The following ZNF423 variants were observed in gnomAD, a reference collection of about 807,000 sequenced individuals.
The protein encoded by ZNF423 is zinc finger protein 423.
Under a neutral mutation model 95.8 loss-of-function variants are expected in ZNF423, and 12 were observed. The ratio of observed to expected loss-of-function variants is 0.13; its 90% CI spans 0.08 to 0.20. The LOEUF (loss-of-function observed/expected upper bound fraction) is 0.20, where lower values mean the gene tolerates loss of function less well. Among genes scored for constraint, ZNF423 ranks in the 10% least tolerant of loss-of-function variants. The pLI is 1.00. For synonymous variants in ZNF423, 749 were observed against 711.9 expected, an observed-to-expected ratio of 1.05 and a Z score of -0.83; for missense variants, 1,316 against 1,737.1, an observed-to-expected ratio of 0.76 and a Z score of 4.31.
chr16:49,786,363 T>C (rs1470105984), intron 2 of ZNF423, among the ~76,000 whole-genome samples: 1 of 152,168 alleles, frequency 6.6e-6, no homozygotes, highest in East Asian at 1.9e-4. Flanking sequence ...GCATTCTGCT[T>C]CTTTATTGCA....
At chr16:49,661,447 A>T (rs923333253) in intron 3 of ZNF423, among the ~76,000 whole-genome samples, 3 of 152,240 alleles carry the variant, frequency 2.0e-5, no homozygotes, top group African/African-American at 7.2e-5. Context: ...GGACCTGTGA[A>T]CAAATGCACC....
rs66522223 is a variant in ZNF423 at position 49,702,909 on chromosome 16, GCACACACACACACACACACACA to G, written c.301+27840_301+27861del. Among the ~76,000 whole-genome samples the G allele has an allele frequency of 6.8e-5, 10 of 147,534 alleles. No individual in the cohort carries two copies. The South Asian group carries it at 8.6e-4, about 13-fold the overall frequency. Reference sequence around the variant, plus strand: ...CAAGCCAACCTGCCTGTGTGCACACGCACACACACACACACACACACACACACACACACACACACACTCCATG... The same window carrying G: ...CAAGCCAACCTGCCTGTGTGCACACGCACACACACACACACACACTCCATG... On this transcript the variant is annotated intron_variant, in intron 3 of 7. Coordinates refer to ENST00000563137, the MANE Select transcript of ZNF423 (RefSeq NM_001379286.1).
intron 2 of ZNF423, among the ~76,000 whole-genome samples, chr16:49,779,270 A>G (rs568860111): frequency 7.2e-5 from 11 of 151,896 alleles, no homozygotes; most frequent in Non-Finnish European, 1.5e-4. Context: ...AGCAGAGGGC[A>G]GCGGGAGCAC....
chr16:49,773,165 A>T (rs1208660144), intron 2 of ZNF423, among the ~76,000 whole-genome samples: 1 of 152,148 alleles, frequency 6.6e-6, no homozygotes, highest in African/African-American at 2.4e-5. Flanking sequence ...TTAAAAGTAC[A>T]AAAATTAGCC....
chr16:49,636,871 T>C lies in ZNF423; in HGVS notation c.2305A>G (p.Lys769Glu), dbSNP rs1382154151. ...RCTACNWDFR[K>E]EADLQVHVKH... ...ACGTGCACCTGCAGGTCAGCCTCCT[T>C]GCGGAAGTCCCAGTTGCAGGCCGTG... The change falls in exon 4 of 8, where the codon AAG becomes GAG. Residue 769 changes from lysine to glutamate, a missense_variant. Coordinates refer to ENST00000563137, the MANE Select transcript of ZNF423 (RefSeq NM_001379286.1). The surrounding 1 kb of genome is among the most constrained non-coding windows in gnomAD (Gnocchi z 8.6). 6.2e-7 allele frequency: 1 copy of C among 1,614,030 alleles called. No homozygotes were observed. Among genetic ancestry groups the C allele is most frequent in the Admixed American group, 1.7e-5 (1 of 60,020 alleles).
rs1968565606 is a variant in ZNF423 at position 49,525,450 on chromosome 16, C to T, written c.3646G>A (p.Asp1216Asn). Residue 1216 changes from aspartate to asparagine, a missense_variant, in exon 6 of 8, where the codon GAC becomes AAC. Physicochemically the swap from Asp to Asn is conservative, Grantham distance 23. This residue lies in a region of ZNF423 where 75 missense variants were observed against 163.5 expected (regional missense o/e 0.46). Coordinates refer to ENST00000563137, the MANE Select transcript of ZNF423 (RefSeq NM_001379286.1). ...HECKLCNQMF[D>N]SPAKLLCHLI... The stretch of plus-strand genomic sequence containing the variant: ...TGACAGAGGAGCTTGGCCGGGGAGT[C>T]GAACATCTGGTTGCACAGCTTACAC... The T allele has an allele frequency of 3.1e-6, 5 of 1,613,908 alleles. No individual in the cohort carries two copies. The highest frequency in any genetic ancestry group is 4.2e-6 in the Non-Finnish European group (5 of 1,179,980).
intron 1 of ZNF423, among the ~76,000 whole-genome samples, chr16:49,801,723 T>G (rs1018000399): frequency 1.3e-5 from 2 of 152,208 alleles, no homozygotes; most frequent in African/African-American, 4.8e-5. Context: ...ACAAATGACT[T>G]TGATGCGTGC....
rs961906112 is a variant in ZNF423 at position 49,746,999 on chromosome 16, G to A, written c.101-16028C>T. ...TCCGGAGATATGCTAGAACCACCGGGAAAGAAGGTACTTAAAGTGGGGAGA... is the reference window on the plus strand; with the variant it reads ...TCCGGAGATATGCTAGAACCACCGGAAAAGAAGGTACTTAAAGTGGGGAGA... On this transcript the variant is annotated intron_variant, in intron 2 of 7. Coordinates refer to ENST00000563137, the MANE Select transcript of ZNF423 (RefSeq NM_001379286.1). 2.6e-5 allele frequency among the ~76,000 whole-genome samples: 4 copies of A among 152,294 alleles called. No individual in the cohort carries two copies. In the East Asian group the frequency reaches 5.8e-4, roughly 22 times the overall value.
rs1972784860 is a variant in ZNF423 at position 49,637,661 on chromosome 16, C to T, written c.1515G>A (p.Glu505=). ...EMFADINSLQ[E]HIRVSHCGPN... ...GGCCGCAGTGGGAGACGCGGATGTG[C>T]TCCTGCAGGCTATTGATGTCGGCGA... Residue 505 remains glutamate, a synonymous_variant, in exon 4 of 8, where the codon GAG becomes GAA. Coordinates refer to ENST00000563137, the MANE Select transcript of ZNF423 (RefSeq NM_001379286.1). This position sits in a 1 kb window ranked among gnomAD's most constrained non-coding sequence, Gnocchi z 5.6. 2 of 1,614,094 alleles carry T rather than the reference C, an allele frequency of 1.2e-6. No individual in the cohort carries two copies. Among genetic ancestry groups the T allele is most frequent in the Middle Eastern group, 1.6e-4 (1 of 6,062 alleles).
chr16:49,508,618 T>C (rs896617792), intron 7 of ZNF423, among the ~76,000 whole-genome samples: 2 of 151,048 alleles, frequency 1.3e-5, no homozygotes, highest in Non-Finnish European at 1.5e-5. Flanking sequence ...CTCTGCTCTA[T>C]AAAAGTGTTC....
intron 7 of ZNF423, among the ~76,000 whole-genome samples, chr16:49,508,513 TAAAAAAA>T (rs35061120): frequency 1.7e-4 from 17 of 101,862 alleles, no homozygotes; most frequent in South Asian, 4.1e-4. Context: ...TTCTCTTTCT[TAAAAAAA>T]AAAAAAAAAA....
Position 49,637,768 on chromosome 16 carries a change from T to C in ZNF423, c.1408A>G (p.Lys470Glu), listed in dbSNP as rs766222312. The C allele has an allele frequency of 1.3e-5, 21 of 1,614,088 alleles. No homozygotes were observed. Among genetic ancestry groups the C allele is most frequent in the Non-Finnish European group, 1.8e-5 (21 of 1,180,024 alleles). ...GGGTAGGCATGGTTCTTGTGCAGCT[T>C]GCGAACGTGCTCGTTGAGGTTGTAG... ...TLYNLNEHVR[K>E]LHKNHAYPVM... Residue 470 changes from lysine (K) to glutamate (E), a missense_variant, in exon 4 of 8, where the codon AAG becomes GAG. Transcript: ENST00000563137. This position sits in a 1 kb window ranked among gnomAD's most constrained non-coding sequence, Gnocchi z 5.6.
intron 2 of ZNF423, among the ~76,000 whole-genome samples, chr16:49,739,699 T>G (rs141203558): frequency 4.9e-5 from 7 of 143,182 alleles, no homozygotes; most frequent in African/African-American, 7.6e-5. Flanking sequence ...TTGTTTGGTT[T>G]TTTTTTTTTT....
intron 2 of ZNF423, among the ~76,000 whole-genome samples, chr16:49,734,695 C>T (rs758255355): frequency 1.3e-5 from 2 of 152,172 alleles, no homozygotes; most frequent in Non-Finnish European, 2.9e-5. Context: ...GGACAGAAAC[C>T]GAACCAGTGC....
intron 2 of ZNF423, among the ~76,000 whole-genome samples, chr16:49,771,010 A>G (rs1345425268): frequency 6.6e-6 from 1 of 152,106 alleles, no homozygotes; most frequent in African/African-American, 2.4e-5. Flanking sequence ...ACGGAGGAGC[A>G]GAGAAGCCAA....
At chr16:49,714,537 T>G (rs569639880) in intron 3 of ZNF423, among the ~76,000 whole-genome samples, 1 of 151,386 alleles carries the variant, frequency 6.6e-6, no homozygotes, top group South Asian at 2.1e-4. Flanking sequence ...TCCCAGCTAC[T>G]TGGGAGGCTG....
intron 5 of ZNF423, among the ~76,000 whole-genome samples, chr16:49,590,594 G>A (rs73580547): frequency 0.085 from 12,977 of 152,156 alleles, 1,286 homozygotes; most frequent in African/African-American, 0.22. Context: ...ACTTAGCCAA[G>A]GCTGGTGGGA....
intron 3 of ZNF423, among the ~76,000 whole-genome samples, chr16:49,675,662 G>A (rs1331199662): frequency 6.6e-6 from 1 of 152,048 alleles, no homozygotes; most frequent in South Asian, 2.1e-4. Flanking sequence ...CACGCACATG[G>A]AGCCAAGCTA....
chr16:49,609,487 A>G (rs528687840), intron 5 of ZNF423, among the ~76,000 whole-genome samples: 147 of 151,524 alleles, frequency 9.7e-4, no homozygotes, highest in African/African-American at 3.4e-3. Flanking sequence ...AAACAAGTGG[A>G]AAAAAAAAGA....
Sources: gnomAD v4.1 joint callset for allele counts (sites outside exome capture counted in the v4.1 genomes callset) on GRCh38, gnomAD v4.1.1 for gene constraint, gnomAD v4.1.1 regional missense constraint, Gnocchi (gnomAD v3.1) non-coding constraint, MANE v1.5 for transcripts, NCBI Gene and HGNC (gene_info 2026-07-23, HGNC 2026-07-21) for gene names.